Variants in PRKCB observed in about 807,000 individuals in gnomAD.
The protein encoded by PRKCB is protein kinase C beta type.
PRKCB carries 13 observed loss-of-function variants against 81.5 expected under a neutral mutation model. The ratio of observed to expected loss-of-function variants is 0.16; its 90% CI spans 0.10 to 0.25. The LOEUF (loss-of-function observed/expected upper bound fraction) is 0.25. Among genes scored for constraint, PRKCB ranks in the 10% least tolerant of loss-of-function variants. PRKCB has a pLI of 1.00. For missense variants in PRKCB, 509 were observed against 875.7 expected (o/e 0.58, Z 5.29); for synonymous variants, 335 against 321.4 (o/e 1.04, Z -0.45).
chr16:24,042,302 A>T (rs1476809087), intron 5 of PRKCB, among the ~76,000 whole-genome samples: 1 of 152,180 alleles, frequency 6.6e-6, no homozygotes, highest in Admixed American at 6.5e-5. Flanking sequence ...CAGTACTGTC[A>T]TTGCTCATAA....
At chr16:23,851,235 T>G (rs1962467276) in intron 2 of PRKCB, among the ~76,000 whole-genome samples, 1 of 152,234 alleles carries the variant, frequency 6.6e-6, no homozygotes, top group South Asian at 2.1e-4. Context: ...AAGTCTTTAA[T>G]CAATTTTGAG....
At chr16:24,202,846 C>T (rs1331157957) in intron 16 of PRKCB, among the ~76,000 whole-genome samples, 1 of 150,146 alleles carries the variant, frequency 6.7e-6, no homozygotes, top group African/African-American at 2.5e-5. Context: ...TGCCTTCTTT[C>T]TTTTTAAGCC....
chr16:24,051,452 G>A (rs529963583), intron 5 of PRKCB, among the ~76,000 whole-genome samples: 1 of 152,286 alleles, frequency 6.6e-6, no homozygotes, highest in South Asian at 2.1e-4. Flanking sequence ...TTGGGCTTTG[G>A]ATTGGTTGGT....
chr16:24,177,946 A>T (rs1235138203), intron 12 of PRKCB, among the ~76,000 whole-genome samples: 1 of 152,212 alleles, frequency 6.6e-6, no homozygotes, highest in East Asian at 1.9e-4. Flanking sequence ...TGATGGAAAT[A>T]GAGTTCTTGA....
intron 16 of PRKCB, among the ~76,000 whole-genome samples, chr16:24,192,778 C>T (rs926796137): frequency 1.3e-5 from 2 of 152,058 alleles, no homozygotes; most frequent in Non-Finnish European, 2.9e-5. Context: ...TCTTGGTCTC[C>T]ACCCCAGACC....
chr16:24,020,990 T>G (rs1965356456), intron 3 of PRKCB, among the ~76,000 whole-genome samples: 1 of 128,258 alleles, frequency 7.8e-6, no homozygotes, highest in African/African-American at 3.1e-5. Flanking sequence ...CTTTCTTTCT[T>G]TCTTTCTTTC....
chr16:24,010,927 C>T (rs891260946), intron 3 of PRKCB, among the ~76,000 whole-genome samples: 2 of 152,018 alleles, frequency 1.3e-5, no homozygotes, highest in Admixed American at 1.3e-4. Context: ...TGCAATGGTA[C>T]CATCACGGCT....
At chr16:24,129,520 C>CATCTATCTATCTATCTATCT (rs138115366) in intron 9 of PRKCB, among the ~76,000 whole-genome samples, 5 of 151,184 alleles carry the variant, frequency 3.3e-5, no homozygotes, top group African/African-American at 1.2e-4. Context: ...CATGCACGTG[C>CATCTATCTATCTATCTATCT]ATCTATCTAT....
intron 3 of PRKCB, among the ~76,000 whole-genome samples, chr16:24,001,751 A>T (rs1262236243): frequency 6.6e-6 from 1 of 152,240 alleles, no homozygotes; most frequent in African/African-American, 2.4e-5. Flanking sequence ...TTCATTTAAA[A>T]TTGTACCTGA....
chr16:24,006,854 G>A (rs1303055322), intron 3 of PRKCB, among the ~76,000 whole-genome samples: 1 of 152,138 alleles, frequency 6.6e-6, no homozygotes, highest in Non-Finnish European at 1.5e-5. Flanking sequence ...GGAGGGGGAA[G>A]AAGGCACAGA....
At chr16:24,170,524 T>C (rs1350195777) in intron 10 of PRKCB, among the ~76,000 whole-genome samples, 1 of 151,900 alleles carries the variant, frequency 6.6e-6, no homozygotes, top group East Asian at 1.9e-4. Flanking sequence ...AGGAGAGATT[T>C]CACCCAAGCA....
intron 2 of PRKCB, among the ~76,000 whole-genome samples, chr16:23,949,854 G>A (rs1376191367): frequency 6.6e-6 from 1 of 152,178 alleles, no homozygotes; most frequent in East Asian, 1.9e-4. Flanking sequence ...TTAATTGCCT[G>A]AGGTCTCACA....
In PRKCB at chr16:24,215,781, G is replaced by T; in HGVS notation, c.*965G>T. On this transcript the variant is annotated 3_prime_UTR_variant, in exon 17 of 17. Coordinates refer to ENST00000643927, the MANE Select transcript of PRKCB (RefSeq NM_002738.7). The stretch of plus-strand genomic sequence containing the variant: ...CGGCTGCGGAGCCTAGCAGACTCAG[G>T]CCTGTGGGAATGGGATTTGTTACAA... The T allele has an allele frequency of 1.0e-6, 1 of 985,814 alleles. No homozygotes were observed. Among genetic ancestry groups the T allele is most frequent in the South Asian group, 4.7e-5 (1 of 21,288 alleles). 61.1% of individuals were successfully genotyped at this position (985,814 alleles called of 1,614,324 possible).
At chr16:23,958,841 G>C (rs544053926) in intron 2 of PRKCB, among the ~76,000 whole-genome samples, 6 of 151,222 alleles carry the variant, frequency 4.0e-5, no homozygotes, top group Admixed American at 2.0e-4. Context: ...CCTAGTACCA[G>C]GATCTAGAGG....
intron 5 of PRKCB, among the ~76,000 whole-genome samples, chr16:24,072,176 A>G (rs1966116770): frequency 6.6e-6 from 1 of 152,134 alleles, no homozygotes. Context: ...GTTCCAAAAC[A>G]TTTCCATCAT....
At chr16:23,971,229 T>C (rs1263620310) in intron 2 of PRKCB, among the ~76,000 whole-genome samples, 3 of 152,210 alleles carry the variant, frequency 2.0e-5, no homozygotes, top group Non-Finnish European at 4.4e-5. Context: ...AACTGACCCA[T>C]TGTCAACAGA....
intron 3 of PRKCB, among the ~76,000 whole-genome samples, chr16:24,005,622 G>T (rs771505960): frequency 1.3e-5 from 2 of 152,214 alleles, no homozygotes; most frequent in African/African-American, 2.4e-5. Context: ...ATCTTCAGGT[G>T]CTTCTAATAA....
rs942647499 is a variant in PRKCB at position 24,034,783 on chromosome 16, C to T, written c.401-636C>T. Among the ~76,000 whole-genome samples the T allele has an allele frequency of 1.3e-5, 2 of 152,216 alleles. 1 individual carries two copies. The highest frequency in any genetic ancestry group is 1.3e-4 in the Admixed American group (2 of 15,286). ...TGATTGTGGTGCCCAGCCCTCTTGT[C>T]TCAGTTTGGAACAACTCTGAAGGGT... On this transcript the variant is annotated intron_variant, in intron 4 of 16. Coordinates refer to ENST00000643927, the MANE Select transcript of PRKCB (RefSeq NM_002738.7).
chr16:23,866,073 G>T (rs1399394584), intron 2 of PRKCB, among the ~76,000 whole-genome samples: 1 of 152,060 alleles, frequency 6.6e-6, no homozygotes, highest in East Asian at 1.9e-4. Flanking sequence ...AACAGCAGTT[G>T]TTAACTTGAT....
Sources: allele counts gnomAD v4.1 joint callset (sites outside exome capture counted in the v4.1 genomes callset), GRCh38; gene constraint gnomAD v4.1.1; transcripts MANE v1.5; gene names NCBI Gene and HGNC (gene_info 2026-07-23, HGNC 2026-07-21).